The following TRDN variants were observed in gnomAD, a reference collection of about 807,000 sequenced individuals.
TRDN encodes the protein triadin, also known as triadin in skeletal muscle.
A neutral mutation model predicts 149.7 loss-of-function variants in TRDN; 161 were observed. The observed-to-expected ratio is 1.08, with a 90% CI of 0.95 to 1.23. The LOEUF (loss-of-function observed/expected upper bound fraction) is 1.23, where lower values mean the gene tolerates loss of function less well. TRDN is among the 50% of genes most tolerant of loss of function. The pLI is 0.00. For missense variants in TRDN, 896 were observed against 823.5 expected, an observed-to-expected ratio of 1.09 and a Z score of -1.08; for synonymous variants, 294 against 250.5, an observed-to-expected ratio of 1.17 and a Z score of -1.64.
At chr6:123,425,237 G>T (rs1423252575) in intron 12 of TRDN, among the ~76,000 whole-genome samples, 1 of 7,438 alleles carries the variant, frequency 1.3e-4, no homozygotes, top group African/African-American at 2.8e-4. Flanking sequence ...GTAGAGGTGT[G>T]TGTGTGTGTG....
At chr6:123,325,796 G>A (rs1779428788) in intron 23 of TRDN, among the ~76,000 whole-genome samples, 1 of 151,978 alleles carries the variant, frequency 6.6e-6, no homozygotes, top group South Asian at 2.1e-4. Context: ...ATTCTGAAAG[G>A]TGCCTTTTGG....
intron 24 of TRDN, among the ~76,000 whole-genome samples, chr6:123,302,722 G>A (rs1778472052): frequency 1.3e-5 from 2 of 152,086 alleles, no homozygotes; most frequent in Non-Finnish European, 2.9e-5. Context: ...GGAGATAAGG[G>A]CAGTACTGAA....
At chr6:123,289,759 T>C (rs2114648228) in intron 24 of TRDN, among the ~76,000 whole-genome samples, 1 of 152,212 alleles carries the variant, frequency 6.6e-6, no homozygotes, top group East Asian at 1.9e-4. Context: ...TAGTCTCTTT[T>C]CCCTCAGAGT....
At chr6:123,311,886 A>T (rs1338651527) in intron 24 of TRDN, among the ~76,000 whole-genome samples, 1 of 151,972 alleles carries the variant, frequency 6.6e-6, no homozygotes, top group East Asian at 1.9e-4. Flanking sequence ...TGAAATAGAC[A>T]GTAGATATGG....
chr6:123,485,174 A>C (rs1384353341), intron 9 of TRDN, among the ~76,000 whole-genome samples: 2 of 152,070 alleles, frequency 1.3e-5, no homozygotes, highest in African/African-American at 4.8e-5. Context: ...GCTCGCTCTC[A>C]TTTCTTCTCT....
At chr6:123,567,593 G>T (rs182928967) in intron 2 of TRDN, among the ~76,000 whole-genome samples, 1 of 151,932 alleles carries the variant, frequency 6.6e-6, no homozygotes, top group East Asian at 1.9e-4. Context: ...TAGCAGGCAG[G>T]TCACATGGAT....
intron 1 of TRDN, among the ~76,000 whole-genome samples, chr6:123,576,923 G>A (rs187623628): frequency 4.0e-4 from 61 of 151,746 alleles, no homozygotes; most frequent in African/African-American, 1.4e-3. Context: ...TGTGACATCA[G>A]TTTACATATA....
At chr6:123,364,319 A>G (rs569539684) in intron 20 of TRDN, among the ~76,000 whole-genome samples, 2 of 152,264 alleles carry the variant, frequency 1.3e-5, no homozygotes, top group African/African-American at 4.8e-5. Context: ...TTCCACAAAC[A>G]TGGATTCACT....
intron 21 of TRDN, among the ~76,000 whole-genome samples, chr6:123,348,207 C>G (rs773514629): frequency 6.6e-6 from 1 of 151,936 alleles, no homozygotes; most frequent in South Asian, 2.1e-4. Flanking sequence ...TGCTTTACAA[C>G]TAGCTTGTAA....
chr6:123,423,661 G>T (rs1358702654), intron 12 of TRDN, among the ~76,000 whole-genome samples: 1 of 152,106 alleles, frequency 6.6e-6, no homozygotes, highest in Non-Finnish European at 1.5e-5. Flanking sequence ...ATCATGTAAT[G>T]TAATGTCAGG....
intron 11 of TRDN, 82 bp downstream of exon 11, chr6:123,438,862 C>A: frequency 9.0e-7 from 1 of 1,113,740 alleles, no homozygotes; most frequent in South Asian, 1.7e-5. Context: ...GAATTTCTTT[C>A]CTAGAAAATA....
chr6:123,379,778 G>A (rs536731039), intron 16 of TRDN, among the ~76,000 whole-genome samples: 1 of 152,142 alleles, frequency 6.6e-6, no homozygotes, highest in East Asian at 1.9e-4. Flanking sequence ...GTTTATGGTT[G>A]ATTTTTGAGG....
At chr6:123,561,440 A>G (rs1165408870) in intron 2 of TRDN, among the ~76,000 whole-genome samples, 4 of 152,120 alleles carry the variant, frequency 2.6e-5, no homozygotes, top group African/African-American at 9.7e-5. Flanking sequence ...GGTACAGCCC[A>G]TTTGAGCTCC....
intron 21 of TRDN, among the ~76,000 whole-genome samples, chr6:123,346,717 T>C (rs566314675): frequency 6.6e-5 from 10 of 152,122 alleles, no homozygotes; most frequent in African/African-American, 2.4e-4. Context: ...AACCATATTA[T>C]ATTTAATAGA....
intron 19 of TRDN, among the ~76,000 whole-genome samples, chr6:123,370,888 G>T (rs1438503166): frequency 8.3e-5 from 11 of 133,064 alleles, no homozygotes; most frequent in African/African-American, 2.2e-4. Context: ...TTTTTTTTCT[G>T]CCCATTGTCT....
intron 10 of TRDN, among the ~76,000 whole-genome samples, chr6:123,448,583 C>A (rs2114643060): frequency 1.3e-5 from 2 of 152,148 alleles, no homozygotes; most frequent in Admixed American, 1.3e-4. Flanking sequence ...ACAGCAAGAC[C>A]CACCCAAGGA....
chr6:123,594,894 G>T (rs141596770), intron 1 of TRDN, among the ~76,000 whole-genome samples: 3 of 151,518 alleles, frequency 2.0e-5, no homozygotes, highest in South Asian at 2.1e-4. Flanking sequence ...TAGCAAGAAG[G>T]CCTGATATTT....
At chr6:123,592,849 C>A (rs1321880) in intron 1 of TRDN, among the ~76,000 whole-genome samples, 129,180 of 152,106 alleles carry the variant, frequency 0.85, 55,466 homozygotes, top group East Asian at 0.93. Flanking sequence ...CTGCCATTCA[C>A]TGTCTGCTTC....
intron 1 of TRDN, among the ~76,000 whole-genome samples, chr6:123,629,583 C>T (rs1399399742): frequency 6.6e-6 from 1 of 152,108 alleles, no homozygotes; most frequent in Non-Finnish European, 1.5e-5. Flanking sequence ...TGGGTGAAAA[C>T]CACATGCCCT....
Sources: allele counts gnomAD v4.1 joint callset (sites outside exome capture counted in the v4.1 genomes callset), GRCh38; gene constraint gnomAD v4.1.1; transcripts MANE v1.5; gene names NCBI Gene and HGNC (gene_info 2026-07-23, HGNC 2026-07-21).